Variants in INPP5D observed in about 807,000 individuals in gnomAD.
INPP5D encodes the protein phosphatidylinositol 3,4,5-trisphosphate 5-phosphatase 1.
INPP5D carries 33 observed loss-of-function variants against 122.9 expected under a neutral mutation model. That is an observed-to-expected ratio of 0.27 (90% CI 0.20 to 0.36). The LOEUF (loss-of-function observed/expected upper bound fraction) is 0.36. INPP5D is among the 10% of genes least tolerant of loss of function. The pLI is 1.00. For synonymous variants in INPP5D, 584 were observed against 576.2 expected, an observed-to-expected ratio of 1.01 and a Z score of -0.19; for missense variants, 1,053 against 1,412.7, an observed-to-expected ratio of 0.75 and a Z score of 4.08.
At chr2:233,195,604 T>G (rs1008780125) in intron 24 of INPP5D, 109 bp downstream of exon 24, 1 of 1,536,446 alleles carries the variant, frequency 6.5e-7, no homozygotes, top group African/African-American at 1.4e-5. Context: ...CCCGGCACTT[T>G]GGGAGGCCAA....
chr2:233,136,296 G>C (rs941376251), intron 5 of INPP5D, among the ~76,000 whole-genome samples: 6 of 152,098 alleles, frequency 3.9e-5, no homozygotes, highest in Non-Finnish European at 8.8e-5. Context: ...TGGCCAACAT[G>C]GTGAAATTCC....
chr2:233,165,850 TTGTGTG>T lies in INPP5D; in HGVS notation c.1555+1441_1555+1446del, dbSNP rs57991740. On this transcript the variant is annotated intron_variant, in intron 13 of 26. Transcript: ENST00000445964. ...TAAGTGCTAGAGCCTCTCTGTGTGT[TTGTGTG>T]TGTGTGTGTGTGTGCCCGTGTGTGC... Among the ~76,000 whole-genome samples the T allele has an allele frequency of 8.0e-5, 12 of 150,238 alleles. 1 individual carries two copies. Among genetic ancestry groups the T allele is most frequent in the Admixed American group, 3.3e-4 (5 of 15,040 alleles).
chr2:233,132,906 T>TC (rs71058526), intron 5 of INPP5D, among the ~76,000 whole-genome samples: 2 of 125,946 alleles, frequency 1.6e-5, no homozygotes, highest in African/African-American at 3.0e-5. Flanking sequence ...TTTTTTTTTT[T>TC]GAGACAGGAT....
chr2:233,199,293 A>G (rs1695268190), intron 25 of INPP5D, among the ~76,000 whole-genome samples: 1 of 138,514 alleles, frequency 7.2e-6, no homozygotes, highest in African/African-American at 2.6e-5. Context: ...AGGCTGAGGC[A>G]GGAGAATCGC....
intron 10 of INPP5D, 110 bp from the exon 11 acceptor site, chr2:233,161,614 C>T: frequency 7.2e-7 from 1 of 1,391,398 alleles, no homozygotes; most frequent in South Asian, 1.6e-5. Flanking sequence ...TGGAAGTTCA[C>T]ACTGATTTAC....
chr2:233,099,203 G>A (rs1263767281), intron 2 of INPP5D, among the ~76,000 whole-genome samples: 2 of 152,098 alleles, frequency 1.3e-5, no homozygotes, highest in Admixed American at 1.3e-4. Flanking sequence ...CACCCACCTT[G>A]GCCTCCCAAA....
intron 5 of INPP5D, among the ~76,000 whole-genome samples, chr2:233,137,885 TATATATATATATAC>T (rs1355518067): frequency 1.8e-4 from 10 of 56,296 alleles, no homozygotes; most frequent in African/African-American, 4.0e-4. Context: ...TATATATATA[TATATATATATATAC>T]ACACACACAC....
In INPP5D at chr2:233,204,775, C is replaced by T. The variant is rs754271440; in HGVS notation, c.3567+58C>T. 40 of 1,416,124 alleles carry T rather than the reference C, an allele frequency of 2.8e-5. No homozygotes were observed. The East Asian group carries it at 3.2e-4, about 11-fold the overall frequency. The allele number at this position is 1,416,124 out of a possible 1,614,324, so 87.7% of individuals were successfully genotyped here. Reference sequence around the variant, plus strand: ...TTGTGTGTGTGTGCATGCGTGAGTGCGTATGTGTGTACCTATGCATATGTG... The same window carrying T: ...TTGTGTGTGTGTGCATGCGTGAGTGTGTATGTGTGTACCTATGCATATGTG... On this transcript the variant is annotated intron_variant, in intron 26 of 26. Transcript: ENST00000445964.
rs1468023831 is a variant in INPP5D, at chr2:233,206,738, A to G, written c.*30A>G. On this transcript the variant is annotated 3_prime_UTR_variant, in exon 27 of 27. Coordinates refer to ENST00000445964, the MANE Select transcript of INPP5D (RefSeq NM_001017915.3). The surrounding 1 kb of genome is among the most constrained non-coding windows in gnomAD (Gnocchi z 4.0). Reference sequence around the variant, plus strand: ...CTCAGTGAGCTGCCACTGAGTCGGGAGCCCAGAGGAACGGCGTGAAGCCAC... The same window carrying G: ...CTCAGTGAGCTGCCACTGAGTCGGGGGCCCAGAGGAACGGCGTGAAGCCAC... 3.9e-6 allele frequency: 3 copies of G among 765,832 alleles called. No individual in the cohort carries two copies. The highest frequency in any genetic ancestry group is 3.4e-5 in the African/African-American group (2 of 58,752). The allele number at this position is 765,832 out of a possible 1,614,324, so 47.4% of individuals were successfully genotyped here. A position where few individuals can be genotyped will look rare whatever the true frequency, so the allele number is the denominator to read the frequency against.
intron 23 of INPP5D, among the ~76,000 whole-genome samples, chr2:233,194,488 C>CTTTTTT (rs544200839): frequency 1.1e-5 from 1 of 88,712 alleles, no homozygotes; most frequent in Non-Finnish European, 2.1e-5. Flanking sequence ...TTCTAAACTG[C>CTTTTTT]TTTTTTTTTT....
chr2:233,118,265 C>T (rs908714345), intron 2 of INPP5D, among the ~76,000 whole-genome samples: 3 of 152,230 alleles, frequency 2.0e-5, no homozygotes, highest in African/African-American at 4.8e-5. Flanking sequence ...CCTGTCCCCT[C>T]GGCCATCGTA....
intron 1 of INPP5D, among the ~76,000 whole-genome samples, chr2:233,072,544 T>C (rs2106202625): frequency 6.6e-6 from 1 of 152,370 alleles, no homozygotes; most frequent in South Asian, 2.1e-4. Context: ...ATAATTATTA[T>C]CTGATTTTTG....
chr2:233,184,358 C>G, intron 19 of INPP5D, 50 bp from the exon 20 acceptor site: 2 of 1,599,334 alleles, frequency 1.3e-6, no homozygotes, highest in South Asian at 1.1e-5. Context: ...TTGAAATGCT[C>G]CATCTCCAGG....
intron 18 of INPP5D, among the ~76,000 whole-genome samples, chr2:233,179,058 G>T (rs1694718937): frequency 6.6e-6 from 1 of 152,226 alleles, no homozygotes; most frequent in African/African-American, 2.4e-5. Context: ...CACGCACCCT[G>T]CATTCCTTGC....
intron 11 of INPP5D, among the ~76,000 whole-genome samples, chr2:233,162,950 A>G (rs1307839830): frequency 6.6e-6 from 1 of 152,144 alleles, no homozygotes; most frequent in African/African-American, 2.4e-5. Context: ...CCCACAGAAG[A>G]GTATGGAAGG....
chr2:233,131,110 G>T (rs1693313183), intron 5 of INPP5D: 3 of 950,924 alleles, frequency 3.2e-6, no homozygotes, highest in Non-Finnish European at 3.8e-6. Context: ...TTCAAAGGGA[G>T]ATGATTCACC....
chr2:233,069,223 G>A (rs376974042), intron 1 of INPP5D, among the ~76,000 whole-genome samples: 9 of 152,282 alleles, frequency 5.9e-5, no homozygotes, highest in South Asian at 4.2e-4. Context: ...ACAACCCCAC[G>A]GAGGGCTGTC....
At chr2:233,145,654 T>A (rs1381951687) in intron 6 of INPP5D, among the ~76,000 whole-genome samples, 1 of 150,920 alleles carries the variant, frequency 6.6e-6, no homozygotes, top group Non-Finnish European at 1.5e-5. Flanking sequence ...AAGGCAGATA[T>A]GAGTTGAGGA....
intron 9 of INPP5D, among the ~76,000 whole-genome samples, chr2:233,153,227 C>T (rs1693968522): frequency 6.6e-6 from 1 of 152,142 alleles, no homozygotes; most frequent in Non-Finnish European, 1.5e-5. Flanking sequence ...GAACAGATGG[C>T]AAGGAAATTC....
Sources: allele counts gnomAD v4.1 joint callset (sites outside exome capture counted in the v4.1 genomes callset), GRCh38; gene constraint gnomAD v4.1.1; non-coding constraint Gnocchi (gnomAD v3.1); transcripts MANE v1.5; gene names NCBI Gene and HGNC (gene_info 2026-07-23, HGNC 2026-07-21).